Variants in XRCC3 observed in about 807,000 individuals in gnomAD.
The protein encoded by XRCC3 is DNA repair protein XRCC3.
In XRCC3, 34 loss-of-function variants were observed where a neutral mutation model predicts 29.2. The observed-to-expected ratio is 1.16, with a 90% CI of 0.88 to 1.55. XRCC3 has a LOEUF of 1.55. Ranked by LOEUF, XRCC3 falls within the 40% of genes most tolerant of loss-of-function variation. The pLI is 0.00. For synonymous variants in XRCC3, 223 were observed against 211.3 expected (o/e 1.06, Z -0.48); for missense variants, 463 against 467.6 (o/e 0.99, Z 0.09).
intron 1 of XRCC3, among the ~76,000 whole-genome samples, chr14:103,715,222 T>C (rs2083773455): frequency 6.6e-6 from 1 of 151,950 alleles, no homozygotes; most frequent in South Asian, 2.1e-4. Context: ...GCCTGAACGC[T>C]ACCCGAGCTG....
intron 9 of XRCC3, 50 bp from the exon 10 acceptor site, chr14:103,699,067 C>T (rs368501131): frequency 1.1e-4 from 179 of 1,562,510 alleles, no homozygotes; most frequent in Non-Finnish European, 1.5e-4. Context: ...GTGGCCCCGC[C>T]CACTTCGGCC....
Position 103,711,283 on chromosome 14 carries a change from G to A in XRCC3, c.-158-38C>T, listed in dbSNP as rs2083616569. 7 of 687,044 alleles carry A rather than the reference G, an allele frequency of 1.0e-5. No homozygotes were observed. In the South Asian group the frequency reaches 1.1e-4, roughly 11 times the overall value. 42.6% of individuals were successfully genotyped at this position (687,044 alleles called of 1,614,324 possible). On this transcript the variant is annotated intron_variant, in intron 3 of 9. Coordinates refer to ENST00000555055, the MANE Select transcript of XRCC3 (RefSeq NM_005432.4). Reference sequence around the variant, plus strand: ...GAGACTTCACTGTAGAGGGAAGGCTGTCTAGCTACATCTAGGGCAACATGT... The same window carrying A: ...GAGACTTCACTGTAGAGGGAAGGCTATCTAGCTACATCTAGGGCAACATGT...
chr14:103,711,572 A>T lies in XRCC3; in HGVS notation c.-260-5T>A, dbSNP rs775350941. ...TTAAGTGTCTCCCTGGGGACTCTGG[A>T]AAGAGTGGGAAGGTGAGTCTGGGAT... On this transcript the variant is annotated splice_region_variant and splice_polypyrimidine_tract_variant and intron_variant, in intron 2 of 9. Coordinates refer to ENST00000555055, the MANE Select transcript of XRCC3 (RefSeq NM_005432.4). 1 of 456,828 alleles carries T rather than the reference A, an allele frequency of 2.2e-6. No individual in the cohort carries two copies. The highest frequency in any genetic ancestry group is 4.4e-6 in the Non-Finnish European group (1 of 227,336). 28.3% of individuals were successfully genotyped at this position (456,828 alleles called of 1,614,324 possible).
intron 6 of XRCC3, chr14:103,706,685 T>C (rs1157282796): frequency 9.1e-6 from 4 of 437,738 alleles, no homozygotes. Flanking sequence ...CTGTGGACTC[T>C]GGGCTTGGCA....
chr14:103,707,753 G>A (rs938581455), intron 5 of XRCC3: 1 of 204,370 alleles, frequency 4.9e-6, no homozygotes, highest in Non-Finnish European at 1.0e-5. Flanking sequence ...CCACGACACC[G>A]AAGCCCCTCA....
At chr14:103,700,736 C>T (rs1434660782) in intron 7 of XRCC3, 1 of 1,583,166 alleles carries the variant, frequency 6.3e-7, no homozygotes, top group African/African-American at 1.4e-5. Context: ...ACGTGAGTCC[C>T]ACGGCCTGCA....
intron 8 of XRCC3, 64 bp downstream of exon 8, chr14:103,699,300 G>A: frequency 6.5e-7 from 1 of 1,547,386 alleles, no homozygotes; most frequent in Non-Finnish European, 8.7e-7. Context: ...CTCCAGACCG[G>A]CTCTGCTTCC....
At chr14:103,709,020 G>A (rs1199938945) in intron 4 of XRCC3, 1 of 358,798 alleles carries the variant, frequency 2.8e-6, no homozygotes, top group Non-Finnish European at 5.4e-6. Context: ...GCTGGAGACA[G>A]TGCTCCAGAA....
chr14:103,714,570 G>A (rs1487449784), intron 1 of XRCC3, among the ~76,000 whole-genome samples: 2 of 151,902 alleles, frequency 1.3e-5, no homozygotes, highest in African/African-American at 2.4e-5. Flanking sequence ...CTGTGAAGAC[G>A]CCACTGCACT....
intron 5 of XRCC3, chr14:103,708,178 G>C (rs1181194752): frequency 2.5e-6 from 1 of 393,414 alleles, no homozygotes; most frequent in Non-Finnish European, 4.8e-6. Flanking sequence ...ACCGTGGCCA[G>C]GGCCCCATCT....
chr14:103,708,435 A>C (rs1595670247), intron 5 of XRCC3, 87 bp downstream of exon 5: 1 of 1,589,160 alleles, frequency 6.3e-7, no homozygotes, highest in Middle Eastern at 2.3e-4. Context: ...CCCTGGGTGA[A>C]GTCTGCACAG....
At chr14:103,703,408 C>T in intron 6 of XRCC3, 81 bp from the exon 7 acceptor site, 1 of 1,435,372 alleles carries the variant, frequency 7.0e-7, no homozygotes, top group East Asian at 2.5e-5. Flanking sequence ...GCAGATGTCT[C>T]CCGCCATTTC....
chr14:103,707,810 C>G (rs2083490177), intron 5 of XRCC3: 1 of 188,932 alleles, frequency 5.3e-6, no homozygotes, highest in Non-Finnish European at 1.1e-5. Context: ...CGCTCTTGGC[C>G]TGGGGCCTGG....
At chr14:103,703,701 A>C in intron 6 of XRCC3, 1 of 322,144 alleles carries the variant, frequency 3.1e-6, no homozygotes, top group Non-Finnish European at 6.1e-6. Flanking sequence ...TGGCAGCATC[A>C]GGGCAACGCC....
chr14:103,706,116 G>A (rs972779957), intron 6 of XRCC3: 5 of 348,404 alleles, frequency 1.4e-5, no homozygotes, highest in African/African-American at 8.6e-5. Flanking sequence ...CCCTCCACCC[G>A]ACACGGAGGC....
chr14:103,703,564 C>T (rs914858583), intron 6 of XRCC3: 2 of 556,008 alleles, frequency 3.6e-6, no homozygotes, highest in East Asian at 3.2e-5. Context: ...TTCTGACACC[C>T]AGGCAAGGAC....
At position 103,703,301 on chromosome 14, in the gene XRCC3, C is replaced by T. The variant is rs149963487; in HGVS notation, c.433G>A (p.Ala145Thr). 106 of 1,554,864 alleles carry T rather than the reference C, an allele frequency of 6.8e-5. No individual in the cohort carries two copies. The highest frequency in any genetic ancestry group is 4.6e-4 in the African/African-American group (34 of 73,568). The change falls in exon 7 of 10, where the codon GCC becomes ACC. Residue 145 changes from alanine to threonine, a missense_variant. Coordinates refer to ENST00000555055, the MANE Select transcript of XRCC3 (RefSeq NM_005432.4). ...TGCTGCAGGCGCTTGTGCGGGAAGG[C>T]GTCTTCCGTGCAGATGTAGACGGCT... ...AGAVYICTED[A>T]FPHKRLQQLM...
intron 9 of XRCC3, 52 bp downstream of exon 9, chr14:103,699,081 C>A: frequency 6.4e-7 from 1 of 1,564,166 alleles, no homozygotes; most frequent in Non-Finnish European, 8.7e-7. Context: ...TTCGGCCCAG[C>A]TGTGCCCCTG....
chr14:103,706,179 C>T lies in XRCC3; in HGVS notation c.406+824G>A, dbSNP rs974442217. The T allele has an allele frequency of 1.1e-5, 4 of 373,980 alleles. No individual in the cohort carries two copies. In the Admixed American group the frequency reaches 1.3e-4, roughly 13 times the overall value. The allele number at this position is 373,980 out of a possible 1,614,324, so 23.2% of individuals were successfully genotyped here. A position where few individuals can be genotyped will look rare whatever the true frequency, so the allele number is the denominator to read the frequency against. On this transcript the variant is annotated intron_variant, in intron 6 of 9. Transcript: ENST00000555055. ...CACTGAAGCTCAGGCAGGCACAGCACACCCTGGGTCCTGGGGATGACGCTG... is the reference window on the plus strand; with the variant it reads ...CACTGAAGCTCAGGCAGGCACAGCATACCCTGGGTCCTGGGGATGACGCTG...
Sources: allele counts gnomAD v4.1 joint callset (sites outside exome capture counted in the v4.1 genomes callset), GRCh38; gene constraint gnomAD v4.1.1; transcripts MANE v1.5; gene names NCBI Gene and HGNC (gene_info 2026-07-23, HGNC 2026-07-21).